The following HECW1 variants were observed in gnomAD, a reference collection of about 807,000 sequenced individuals.
HECW1 encodes the protein HECT, C2 and WW domain containing E3 ubiquitin protein ligase 1.
A neutral mutation model predicts 182.3 loss-of-function variants in HECW1; 61 were observed. The observed-to-expected ratio is 0.33, with a 90% CI of 0.27 to 0.41. The LOEUF (loss-of-function observed/expected upper bound fraction) is 0.41. HECW1 is among the 10% of genes least tolerant of loss of function. HECW1 has a pLI of 1.00. For synonymous variants in HECW1, 859 were observed against 832.6 expected (o/e 1.03, Z -0.55); for missense variants, 1,739 against 2,108.9 (o/e 0.82, Z 3.44).
chr7:43,153,396 TC>T (rs1789553316), intron 2 of HECW1, among the ~76,000 whole-genome samples: 1 of 152,182 alleles, frequency 6.6e-6, no homozygotes, highest in Non-Finnish European at 1.5e-5. Context: ...CAAAAGTGTC[TC>T]CCCCTACAAA....
At chr7:43,208,050 C>T (rs1583975507) in intron 2 of HECW1, among the ~76,000 whole-genome samples, 2 of 152,268 alleles carry the variant, frequency 1.3e-5, no homozygotes, top group African/African-American at 4.8e-5. Flanking sequence ...CACCATCATC[C>T]CTTCAAACAT....
At chr7:43,169,781 C>T (rs1419789574) in intron 2 of HECW1, among the ~76,000 whole-genome samples, 8 of 150,622 alleles carry the variant, frequency 5.3e-5, no homozygotes, top group Admixed American at 1.3e-4. Flanking sequence ...CTTCGCCTCC[C>T]GGGTTCACGC....
chr7:43,161,411 A>G (rs1008605898), intron 2 of HECW1, among the ~76,000 whole-genome samples: 5 of 152,200 alleles, frequency 3.3e-5, no homozygotes, highest in African/African-American at 1.2e-4. Flanking sequence ...CTGAGAGCAG[A>G]GGGCTCCTAA....
intron 2 of HECW1, among the ~76,000 whole-genome samples, chr7:43,143,685 A>G (rs550075904): frequency 1.3e-5 from 2 of 152,266 alleles, no homozygotes; most frequent in South Asian, 2.1e-4. Flanking sequence ...TGCTGCTTCA[A>G]CTGCCCAAAG....
chr7:43,244,069 A>T, intron 3 of HECW1, 137 bp downstream of exon 3: 1 of 754,014 alleles, frequency 1.3e-6, no homozygotes, highest in Non-Finnish European at 2.4e-6. Flanking sequence ...GTGGCTGGAC[A>T]TTTGAGATCC....
chr7:43,508,835 C>T (rs530454305), intron 23 of HECW1, 134 bp from the exon 24 acceptor site: 494 of 833,322 alleles, frequency 5.9e-4, no homozygotes, highest in Non-Finnish European at 8.8e-4. Flanking sequence ...TTGGCATTCA[C>T]TCCAAAGAGC....
At chr7:43,234,087 G>C (rs1229402754) in intron 2 of HECW1, among the ~76,000 whole-genome samples, 1 of 152,212 alleles carries the variant, frequency 6.6e-6, no homozygotes, top group African/African-American at 2.4e-5. Flanking sequence ...ACAAGCAAAA[G>C]GTTATCCACA....
chr7:43,259,136 C>T (rs1800900595), intron 3 of HECW1, among the ~76,000 whole-genome samples: 1 of 152,138 alleles, frequency 6.6e-6, no homozygotes, highest in African/African-American at 2.4e-5. Flanking sequence ...CCTGTAATTC[C>T]AGCACCTTGG....
intron 2 of HECW1, among the ~76,000 whole-genome samples, chr7:43,163,610 C>T (rs1401229924): frequency 6.6e-6 from 1 of 152,150 alleles, no homozygotes; most frequent in African/African-American, 2.4e-5. Context: ...CTTCCATTCC[C>T]AGCCGTCAGC....
chr7:43,371,713 C>T (rs543251776), intron 6 of HECW1, among the ~76,000 whole-genome samples: 2 of 152,270 alleles, frequency 1.3e-5, no homozygotes, highest in South Asian at 4.1e-4. Flanking sequence ...ACAGGAAAGC[C>T]AGTGTCTCCG....
chr7:43,416,976 A>G (rs1052734218), intron 8 of HECW1, among the ~76,000 whole-genome samples: 3 of 152,130 alleles, frequency 2.0e-5, no homozygotes, highest in Non-Finnish European at 4.4e-5. Context: ...AAATGCAGAA[A>G]TCACCCGTCT....
chr7:43,173,537 G>A (rs1791901404), intron 2 of HECW1, among the ~76,000 whole-genome samples: 1 of 152,210 alleles, frequency 6.6e-6, no homozygotes, highest in Non-Finnish European at 1.5e-5. Flanking sequence ...GGATGAAACT[G>A]TTCCATCTCA....
intron 8 of HECW1, among the ~76,000 whole-genome samples, chr7:43,418,507 G>A (rs953140611): frequency 2.6e-5 from 4 of 152,142 alleles, no homozygotes; most frequent in African/African-American, 9.7e-5. Context: ...ACAGGTCCCT[G>A]AGGCTGTTTT....
intron 9 of HECW1, chr7:43,440,481 C>T (rs1029939555): frequency 1.3e-5 from 2 of 152,328 alleles, no homozygotes; most frequent in East Asian, 3.9e-4. Flanking sequence ...TACCTTATGC[C>T]CCCAGCTGGA....
intron 2 of HECW1, among the ~76,000 whole-genome samples, chr7:43,151,994 TA>T (rs962820070): frequency 3.3e-5 from 5 of 151,758 alleles, no homozygotes; most frequent in South Asian, 2.1e-4. Flanking sequence ...ATCTCTAAAC[TA>T]AAAAAAAGAT....
intron 5 of HECW1, among the ~76,000 whole-genome samples, chr7:43,344,310 GT>G (rs1813401446): frequency 6.6e-6 from 1 of 151,714 alleles, no homozygotes; most frequent in African/African-American, 2.4e-5. Context: ...TGCTTTTGGT[GT>G]TTTAGTCATG....
At chr7:43,221,920 G>A (rs1384705638) in intron 2 of HECW1, among the ~76,000 whole-genome samples, 1 of 152,108 alleles carries the variant, frequency 6.6e-6, no homozygotes, top group Non-Finnish European at 1.5e-5. Flanking sequence ...TTGCAGAGAC[G>A]ATTATGAGAT....
rs1802828575 is a variant in HECW1 at position 43,274,443 on chromosome 7, G to A, written c.27+30511G>A. On this transcript the variant is annotated intron_variant, in intron 3 of 29. Coordinates refer to ENST00000395891, the MANE Select transcript of HECW1 (RefSeq NM_015052.5). The stretch of plus-strand genomic sequence containing the variant: ...GGAGCTGCACCCACAACACATACAG[G>A]GAATACTGGGACCTGACCACCATGG... 4 of 636,210 alleles carry A rather than the reference G, an allele frequency of 6.3e-6. No individual in the cohort carries two copies. In the South Asian group the frequency reaches 6.5e-5, roughly 10 times the overall value. 39.4% of individuals were successfully genotyped at this position (636,210 alleles called of 1,614,324 possible).
chr7:43,248,207 CA>C (rs1226717156), intron 3 of HECW1, among the ~76,000 whole-genome samples: 1 of 152,116 alleles, frequency 6.6e-6, no homozygotes, highest in African/African-American at 2.4e-5. Flanking sequence ...CCAGAGATCG[CA>C]GGGCTGAGGT....
Sources: gnomAD v4.1 joint callset for allele counts (sites outside exome capture counted in the v4.1 genomes callset) on GRCh38, gnomAD v4.1.1 for gene constraint, MANE v1.5 for transcripts, NCBI Gene and HGNC (gene_info 2026-07-23, HGNC 2026-07-21) for gene names.